The following RFTN2 variants were observed in gnomAD, a reference collection of about 807,000 sequenced individuals.
RFTN2 encodes raftlin-2.
RFTN2 carries 34 observed loss-of-function variants against 52.7 expected under a neutral mutation model. The observed-to-expected ratio is 0.64, with a 90% CI of 0.49 to 0.86. The LOEUF (loss-of-function observed/expected upper bound fraction) is 0.86. RFTN2 is among the 40% of genes least tolerant of loss of function. The pLI is 0.00. For synonymous variants in RFTN2, 203 were observed against 217.7 expected (o/e 0.93, Z 0.59); for missense variants, 536 against 600.1 (o/e 0.89, Z 1.12).
intron 7 of RFTN2, among the ~76,000 whole-genome samples, chr2:197,611,975 GAC>G (rs1574706028): frequency 6.6e-6 from 1 of 152,182 alleles, no homozygotes; most frequent in African/African-American, 2.4e-5. Flanking sequence ...TGGTCTGAGA[GAC>G]AGTTTGTTGT....
At chr2:197,591,005 C>A (rs540801298) in intron 8 of RFTN2, among the ~76,000 whole-genome samples, 1 of 152,314 alleles carries the variant, frequency 6.6e-6, no homozygotes, top group East Asian at 1.9e-4. Flanking sequence ...TCTGGCCCCA[C>A]CCACATCCTG....
chr2:197,592,352 C>T (rs1574689022), intron 8 of RFTN2, among the ~76,000 whole-genome samples: 1 of 152,126 alleles, frequency 6.6e-6, no homozygotes, highest in Non-Finnish European at 1.5e-5. Flanking sequence ...TGTGCCACCA[C>T]GCCCAGCTAA....
intron 7 of RFTN2, among the ~76,000 whole-genome samples, chr2:197,613,011 A>C (rs2088088554): frequency 6.6e-6 from 1 of 152,194 alleles, no homozygotes; most frequent in Admixed American, 6.5e-5. Flanking sequence ...ATGATGATAG[A>C]CATTCTTTTT....
At chr2:197,618,615 G>C (rs1471492331) in intron 5 of RFTN2, among the ~76,000 whole-genome samples, 1 of 151,710 alleles carries the variant, frequency 6.6e-6, no homozygotes, top group South Asian at 2.1e-4. Flanking sequence ...GTCTCTGCCC[G>C]GCCACCATCC....
At chr2:197,592,386 G>T (rs1316758552) in intron 8 of RFTN2, among the ~76,000 whole-genome samples, 3 of 152,084 alleles carry the variant, frequency 2.0e-5, no homozygotes, top group Non-Finnish European at 4.4e-5. Context: ...GTAGAGAAGG[G>T]GTTTTTCCAT....
At chr2:197,607,420 T>C (rs1458614452) in intron 7 of RFTN2, among the ~76,000 whole-genome samples, 3 of 151,828 alleles carry the variant, frequency 2.0e-5, no homozygotes, top group African/African-American at 7.3e-5. Flanking sequence ...ACATGGCACA[T>C]GTATACATAT....
intron 5 of RFTN2, among the ~76,000 whole-genome samples, chr2:197,628,825 G>T (rs965710439): frequency 6.6e-6 from 1 of 152,148 alleles, no homozygotes; most frequent in African/African-American, 2.4e-5. Flanking sequence ...AGAAAAAGTA[G>T]GAGTATTTTT....
intron 5 of RFTN2, among the ~76,000 whole-genome samples, chr2:197,619,746 A>T (rs939223426): frequency 6.9e-6 from 1 of 144,814 alleles, no homozygotes; most frequent in East Asian, 1.9e-4. Flanking sequence ...CAATTAAAAA[A>T]AAAAAATAAT....
chr2:197,662,538 A>G (rs2088991897), intron 1 of RFTN2, among the ~76,000 whole-genome samples: 1 of 152,088 alleles, frequency 6.6e-6, no homozygotes, highest in South Asian at 2.1e-4. Flanking sequence ...AGGTAGTGTG[A>G]TGCTTCCAGC....
intron 8 of RFTN2, among the ~76,000 whole-genome samples, chr2:197,592,211 T>C (rs1173126880): frequency 1.3e-5 from 2 of 152,202 alleles, no homozygotes; most frequent in African/African-American, 2.4e-5. Flanking sequence ...AATTTTTTTT[T>C]TGAGATGGAG....
chr2:197,615,541 G>A (rs1298629263), intron 7 of RFTN2, among the ~76,000 whole-genome samples: 1 of 152,022 alleles, frequency 6.6e-6, no homozygotes, highest in Non-Finnish European at 1.5e-5. Context: ...CAGCTACCAA[G>A]TCCATGTGCC....
At chr2:197,581,553 T>C (rs2087510616) in intron 8 of RFTN2, among the ~76,000 whole-genome samples, 1 of 152,184 alleles carries the variant, frequency 6.6e-6, no homozygotes, top group South Asian at 2.1e-4. Context: ...TCTCACCTTA[T>C]TCAATATATC....
chr2:197,653,009 C>A (rs1445526874), intron 1 of RFTN2, among the ~76,000 whole-genome samples: 1 of 152,180 alleles, frequency 6.6e-6, no homozygotes, highest in Non-Finnish European at 1.5e-5. Context: ...ATTGAGCAGA[C>A]CATCTCATTA....
At position 197,572,090 on chromosome 2, in the gene RFTN2, C is replaced by T. The variant is rs753235510; in HGVS notation, c.1424G>A (p.Ser475Asn). ...LAQHNSFSGF[S>N]SSDNVLRELD... ...TTCCCGGAGGACGTTGTCACTGCTG[C>T]TGAACCCAGAGAAGCTGTTGTGCTG... is the stretch of plus-strand genomic sequence containing the variant. The change falls in exon 9 of 9, where the codon AGC becomes AAC. Residue 475 changes from serine to asparagine, a missense_variant. By Grantham distance (46) the Ser-to-Asn change is conservative. Coordinates refer to ENST00000295049, the MANE Select transcript of RFTN2 (RefSeq NM_144629.3). 14 of 1,614,126 alleles carry T rather than the reference C, an allele frequency of 8.7e-6. No individual in the cohort carries two copies. The South Asian group carries it at 1.5e-4, about 18-fold the overall frequency.
chr2:197,671,819 T>C (rs1479200087), intron 1 of RFTN2, among the ~76,000 whole-genome samples: 1 of 152,218 alleles, frequency 6.6e-6, no homozygotes, highest in Non-Finnish European at 1.5e-5. Flanking sequence ...GGTTTTAGTA[T>C]TGTAGAACCT....
chr2:197,631,274 A>G, intron 4 of RFTN2, 54 bp from the exon 5 acceptor site: 1 of 1,338,068 alleles, frequency 7.5e-7, no homozygotes, highest in Non-Finnish European at 1.1e-6. Context: ...TTGATCAAAG[A>G]TTCTTAATTT....
chr2:197,611,237 G>T (rs1244105158), intron 7 of RFTN2, among the ~76,000 whole-genome samples: 7 of 152,096 alleles, frequency 4.6e-5, no homozygotes, highest in African/African-American at 1.7e-4. Flanking sequence ...GAATCCGTCT[G>T]GTCCTGGACT....
At chr2:197,622,195 T>A (rs1167113857) in intron 5 of RFTN2, among the ~76,000 whole-genome samples, 1 of 152,200 alleles carries the variant, frequency 6.6e-6, no homozygotes. Context: ...AACATAAAAT[T>A]GCAAGGTGAA....
At chr2:197,575,775 A>T (rs539975485) in intron 8 of RFTN2, among the ~76,000 whole-genome samples, 20 of 116,158 alleles carry the variant, frequency 1.7e-4, no homozygotes, top group Middle Eastern at 5.1e-3. Flanking sequence ...TATAATATAT[A>T]TTCTATATAT....
Sources: allele counts gnomAD v4.1 joint callset (sites outside exome capture counted in the v4.1 genomes callset), GRCh38; gene constraint gnomAD v4.1.1; transcripts MANE v1.5; gene names NCBI Gene and HGNC (gene_info 2026-07-23, HGNC 2026-07-21).